The following B3GALT5 variants were observed in gnomAD, a reference collection of about 807,000 sequenced individuals.
B3GALT5 encodes the protein beta-1,3-galactosyltransferase 5, also known as UDP-Gal:betaGlcNAc beta 1,3-galactosyltransferase, polypeptide 5.
For missense variants in B3GALT5, 328 were observed against 396.6 expected, an observed-to-expected ratio of 0.83 and a Z score of 1.47; for synonymous variants, 156 against 158.6, an observed-to-expected ratio of 0.98 and a Z score of 0.12.
At chr21:39,628,259 T>C (rs553876678) in intron 1 of B3GALT5, among the ~76,000 whole-genome samples, 2 of 152,332 alleles carry the variant, frequency 1.3e-5, no homozygotes, top group African/African-American at 4.8e-5. Context: ...TAATCTCTTT[T>C]TAAAGTTTAT....
chr21:39,654,183 C>A (rs184443671), intron 2 of B3GALT5, among the ~76,000 whole-genome samples: 6 of 152,308 alleles, frequency 3.9e-5, no homozygotes, highest in African/African-American at 1.4e-4. Flanking sequence ...TACATGCCTG[C>A]TAGCAAGGTA....
chr21:39,655,820 G>A (rs2239385), intron 2 of B3GALT5, among the ~76,000 whole-genome samples: 109,078 of 151,974 alleles, frequency 0.72, 39,513 homozygotes, highest in South Asian at 0.8. Flanking sequence ...TGTGTGACAC[G>A]GGAGTTTACC....
intron 2 of B3GALT5, among the ~76,000 whole-genome samples, chr21:39,648,659 C>A (rs1482944481): frequency 1.3e-5 from 2 of 152,170 alleles, no homozygotes; most frequent in East Asian, 3.9e-4. Context: ...CTGTATACAG[C>A]AGGTGCTCAA....
In B3GALT5 at chr21:39,636,921, C is replaced by T. The variant is rs553820656; in HGVS notation, c.-391-9471C>T. ...TTCTCATGACTTTTAGCCTTTACAG[C>T]GGCACCATGTTTTTACACTGAGCCA... is the stretch of plus-strand genomic sequence containing the variant. On this transcript the variant is annotated intron_variant, in intron 1 of 3. Transcript: ENST00000684187. 1.6e-4 allele frequency among the ~76,000 whole-genome samples: 25 copies of T among 152,224 alleles called. 1 individual carries two copies. In the South Asian group the frequency reaches 4.1e-3, roughly 25 times the overall value.
intron 1 of B3GALT5, among the ~76,000 whole-genome samples, chr21:39,642,469 C>T (rs1038113719): frequency 2.0e-5 from 3 of 152,328 alleles, no homozygotes; most frequent in Admixed American, 2.0e-4. Flanking sequence ...ATAGACAAAG[C>T]AGTTGAGGTA....
At chr21:39,643,077 T>A (rs2079304466) in intron 1 of B3GALT5, among the ~76,000 whole-genome samples, 1 of 148,992 alleles carries the variant, frequency 6.7e-6, no homozygotes, top group South Asian at 2.1e-4. Context: ...TTTGTAAATG[T>A]TCTTTACTAA....
rs1035747945 is a variant in B3GALT5 at position 39,665,007 on chromosome 21, C to T, written c.*3515C>T. The T allele has an allele frequency of 2.0e-5, 3 of 152,236 alleles. No homozygotes were observed. The highest frequency in any genetic ancestry group is 7.2e-5 in the African/African-American group (3 of 41,406). 9.4% of individuals were successfully genotyped at this position (152,236 alleles called of 1,614,324 possible). A position where few individuals can be genotyped will look rare whatever the true frequency, so the allele number is the denominator to read the frequency against. The stretch of plus-strand genomic sequence containing the variant: ...ATATGTTGATGATGTTTCCATTTAT[C>T]TCCAGCCTAGAACTCTTTCTTGCTC... On this transcript the variant is annotated 3_prime_UTR_variant, in exon 4 of 4. Coordinates refer to ENST00000684187, the MANE Select transcript of B3GALT5 (RefSeq NM_001356336.2).
intron 1 of B3GALT5, among the ~76,000 whole-genome samples, chr21:39,624,880 T>A (rs1458835342): frequency 6.6e-6 from 1 of 151,660 alleles, no homozygotes; most frequent in Non-Finnish European, 1.5e-5. Context: ...ATCCTCACTC[T>A]CTTGAAAATC....
chr21:39,638,576 C>T (rs948556260), intron 1 of B3GALT5, among the ~76,000 whole-genome samples: 1 of 152,184 alleles, frequency 6.6e-6, no homozygotes, highest in Non-Finnish European at 1.5e-5. Context: ...CACATGTGAT[C>T]TGATTCTTCA....
rs192564455 is a variant in B3GALT5 at position 39,664,371 on chromosome 21, G to A, written c.*2879G>A. On this transcript the variant is annotated 3_prime_UTR_variant, in exon 4 of 4. Coordinates refer to ENST00000684187, the MANE Select transcript of B3GALT5 (RefSeq NM_001356336.2). ...CTGTGGCAGAAGCCACTTGGCCCCC[G>A]TGGTGCCAGAACCCCTGGTATTGGA... The A allele has an allele frequency of 6.8e-4, 103 of 152,416 alleles. No individual in the cohort carries two copies. Among genetic ancestry groups the A allele is most frequent in the Non-Finnish European group, 1.1e-3 (72 of 68,268 alleles). The allele number at this position is 152,416 out of a possible 1,614,324, so 9.4% of individuals were successfully genotyped here.
At chr21:39,624,739 T>A (rs2079154896) in intron 1 of B3GALT5, among the ~76,000 whole-genome samples, 1 of 152,206 alleles carries the variant, frequency 6.6e-6, no homozygotes, top group African/African-American at 2.4e-5. Flanking sequence ...TTTTCAGAAT[T>A]TGGCTTCTTC....
chr21:39,666,053 A>T lies in B3GALT5; in HGVS notation c.*4561A>T, dbSNP rs2079575182. 6.6e-6 allele frequency: 1 copy of T among 152,202 alleles called. No homozygotes were observed. The highest frequency in any genetic ancestry group is 2.4e-5 in the African/African-American group (1 of 41,440). The allele number at this position is 152,202 out of a possible 1,614,324, so 9.4% of individuals were successfully genotyped here. ...GGGAATGGGTGAACCAGGACTGAAA[A>T]AAAAGAAATATTTTTCAAAGTAAGC... On this transcript the variant is annotated 3_prime_UTR_variant, in exon 4 of 4. Transcript: ENST00000684187.
chr21:39,628,311 G>A (rs985671988), intron 1 of B3GALT5, among the ~76,000 whole-genome samples: 1 of 152,206 alleles, frequency 6.6e-6, no homozygotes, highest in Non-Finnish European at 1.5e-5. Flanking sequence ...TACATGCGTA[G>A]ATTGTGTAGT....
At chr21:39,626,689 T>C (rs2079165674) in intron 1 of B3GALT5, among the ~76,000 whole-genome samples, 2 of 152,212 alleles carry the variant, frequency 1.3e-5, no homozygotes, top group Admixed American at 1.3e-4. Context: ...TTGCCAGTGG[T>C]TGGTGATGTT....
chr21:39,621,118 T>C (rs906089076), intron 1 of B3GALT5, among the ~76,000 whole-genome samples: 1 of 152,192 alleles, frequency 6.6e-6, no homozygotes, highest in Non-Finnish European at 1.5e-5. Flanking sequence ...AAAGTGATAA[T>C]GGACATCCTT....
intron 2 of B3GALT5, among the ~76,000 whole-genome samples, chr21:39,647,549 C>T (rs1185265653): frequency 6.0e-5 from 2 of 33,062 alleles, no homozygotes; most frequent in African/African-American, 2.9e-4. Flanking sequence ...TTGCTGGCCA[C>T]GCTGGTCCAC....
intron 1 of B3GALT5, 43 bp downstream of exon 1, chr21:39,613,110 C>A (rs2079088922): frequency 6.7e-6 from 1 of 148,210 alleles, no homozygotes; most frequent in South Asian, 1.9e-4. Context: ...GAGCGCTGGC[C>A]GGGAGCGGGG....
intron 1 of B3GALT5, among the ~76,000 whole-genome samples, chr21:39,637,266 G>A (rs897527390): frequency 6.6e-6 from 1 of 152,176 alleles, no homozygotes; most frequent in African/African-American, 2.4e-5. Context: ...GAGGAGAAAA[G>A]CCCCCTTCCT....
rs1215053222 is a variant in B3GALT5 at position 39,660,954 on chromosome 21, C to A, written c.395C>A (p.Thr132Asn). 2 of 1,605,966 alleles carry A rather than the reference C, an allele frequency of 1.2e-6. No homozygotes were observed. Among genetic ancestry groups the A allele is most frequent in the Middle Eastern group, 3.3e-4 (2 of 6,026 alleles). ...TTCCTAGACGTCTATTACAATCTGACCCTGAAGACCATGATGGGCATAGAA... is the reference window on the plus strand; with the variant it reads ...TTCCTAGACGTCTATTACAATCTGAACCTGAAGACCATGATGGGCATAGAA... ...KDFLDVYYNL[T>N]LKTMMGIEWV... Residue 132 changes from threonine (T) to asparagine (N), a missense_variant, in exon 4 of 4, where the codon ACC (threonine) becomes AAC (asparagine). Thr to Asn is a moderately conservative substitution (Grantham distance 65). Coordinates refer to ENST00000684187, the MANE Select transcript of B3GALT5 (RefSeq NM_001356336.2).
Sources: gnomAD v4.1 joint callset for allele counts (sites outside exome capture counted in the v4.1 genomes callset) on GRCh38, gnomAD v4.1.1 for gene constraint, MANE v1.5 for transcripts, NCBI Gene and HGNC (gene_info 2026-07-23, HGNC 2026-07-21) for gene names.